Variants in VIRMA observed in about 807,000 individuals in gnomAD.
VIRMA encodes protein virilizer homolog.
VIRMA carries 65 observed loss-of-function variants against 182.4 expected under a neutral mutation model. The observed-to-expected ratio is 0.36, with a 90% CI of 0.29 to 0.44. VIRMA has a LOEUF of 0.44. Among genes scored for constraint, VIRMA ranks in the 20% least tolerant of loss-of-function variants. VIRMA has a pLI of 1.00. For missense variants in VIRMA, 1,752 were observed against 2,158.1 expected (o/e 0.81, Z 3.73); for synonymous variants, 709 against 743.1 (o/e 0.95, Z 0.75).
At position 94,515,874 on chromosome 8, in the gene VIRMA, G is replaced by A. The variant is rs1244357249; in HGVS notation, c.2669-923C>T. 4.6e-5 allele frequency among the ~76,000 whole-genome samples: 7 copies of A among 151,670 alleles called. No homozygotes were observed. In the East Asian group the frequency reaches 1.4e-3, roughly 30 times the overall value. On this transcript the variant is annotated intron_variant, in intron 10 of 23. Transcript: ENST00000297591. ...GCACTTTGGGAGGCTGAGGCGGGTG[G>A]ATCACGAGATCGACAGATGGAGACC...
At chr8:94,511,012 C>T in intron 13 of VIRMA, 173 bp downstream of exon 13, 1 of 1,404,556 alleles carries the variant, frequency 7.1e-7, no homozygotes, top group Non-Finnish European at 9.2e-7. Flanking sequence ...AATGTTACCC[C>T]CATATTTCCT....
rs147978905 is a variant in VIRMA at position 94,492,657 on chromosome 8, C to T, written c.4803G>A (p.Thr1601=). Residue 1601 remains threonine, a synonymous_variant, in exon 21 of 24, where the codon ACG becomes ACA. Transcript: ENST00000297591. The stretch of plus-strand genomic sequence containing the variant: ...TTCAGTGGAATAAATTTTACCTTGA[C>T]GTTATAAAGGTCTCATGCTTGTGCT... ...LGKHKHETFI[T]SSGKSEYIEP... The T allele has an allele frequency of 6.0e-5, 97 of 1,611,402 alleles. No individual in the cohort carries two copies. Among genetic ancestry groups the T allele is most frequent in the African/African-American group, 4.1e-4 (31 of 74,886 alleles).
In VIRMA at chr8:94,519,334, T is replaced by TA. The variant is rs1814676190; in HGVS notation, c.2163dup (p.Met722TyrfsTer5). ...AAATTTGTTGCTTCATATTCCGACATAAAAAAAAGAAGACCCTTCTGTGAC... is the reference window on the plus strand; with the variant it reads ...AAATTTGTTGCTTCATATTCCGACATAAAAAAAAAGAAGACCCTTCTGTGAC... On this transcript the variant is annotated frameshift_variant, in exon 9 of 24. Coordinates refer to ENST00000297591, the MANE Select transcript of VIRMA (RefSeq NM_015496.5). LOFTEE classifies it high-confidence loss of function. 5.6e-6 allele frequency: 9 copies of TA among 1,605,144 alleles called. No homozygotes were observed. The highest frequency in any genetic ancestry group is 3.5e-5 in the Admixed American group (2 of 57,208).
intron 22 of VIRMA, among the ~76,000 whole-genome samples, chr8:94,490,546 G>C (rs909309923): frequency 6.6e-6 from 1 of 152,104 alleles, no homozygotes; most frequent in African/African-American, 2.4e-5. Context: ...AGTATCCCTA[G>C]TTTCTAAAAT....
chr8:94,539,558 G>A (rs1342505818), intron 2 of VIRMA, among the ~76,000 whole-genome samples: 3 of 152,112 alleles, frequency 2.0e-5, no homozygotes, highest in Non-Finnish European at 4.4e-5. Context: ...AAATCCAAAT[G>A]TTAATAACTA....
At chr8:94,545,386 G>A (rs1231490135) in intron 1 of VIRMA, among the ~76,000 whole-genome samples, 2 of 152,054 alleles carry the variant, frequency 1.3e-5, no homozygotes, top group African/African-American at 4.8e-5. Flanking sequence ...ACTGAGTCTC[G>A]CTATAAAGAA....
Position 94,529,145 on chromosome 8 carries a change from G to A in VIRMA, c.805C>T (p.Arg269Ter), listed in dbSNP as rs749133183. Reference sequence around the variant, plus strand: ...TCCTCAGGAATACTGTCTACTGTTCGTCGATCATCCTCATCCTCATCCTCT... The same window carrying A: ...TCCTCAGGAATACTGTCTACTGTTCATCGATCATCCTCATCCTCATCCTCT... Reference protein sequence around the residue: ...EEEDEDEDDRRTVDSIPEEEE... With the variant: ...EEEDEDEDDR The change falls in exon 7 of 24, where the codon CGA (arginine) becomes TGA (stop). Residue 269 changes from arginine to a stop codon, truncating the protein, a stop_gained. Transcript: ENST00000297591. LOFTEE classifies it high-confidence loss of function. 1.5e-5 allele frequency: 21 copies of A among 1,431,750 alleles called. No individual in the cohort carries two copies. Among genetic ancestry groups the A allele is most frequent in the African/African-American group, 1.3e-4 (9 of 70,960 alleles). 88.7% of individuals were successfully genotyped at this position (1,431,750 alleles called of 1,614,324 possible).
intron 1 of VIRMA, among the ~76,000 whole-genome samples, chr8:94,545,703 TAGGCAAACAAGGGAGA>T (rs1815733350): frequency 1.3e-5 from 2 of 152,070 alleles, no homozygotes; most frequent in Non-Finnish European, 2.9e-5. Flanking sequence ...GCCCAGGTTG[TAGGCAAACAAGGGAGA>T]AGGCATGCAC....
Position 94,506,645 on chromosome 8 carries a change from G to A in VIRMA, c.3952C>T (p.Pro1318Ser). Residue 1318 changes from proline (P) to serine (S), a missense_variant, in exon 16 of 24, where the codon CCA becomes TCA. Pro to Ser is a moderately conservative substitution (Grantham distance 74). Around this residue, in one of 11 missense-constraint regions of VIRMA, gnomAD observed 777 missense variants for 920.6 expected, o/e 0.84. Transcript: ENST00000297591. ...SELEQLSNSL[P>S]NKELMTSICD... ...ATTGAGGTCATCAATTCTTTATTTG[G>A]TAGAGAATTGGAGAGCTGCTCCAGT... The A allele has an allele frequency of 6.2e-7, 1 of 1,613,474 alleles. No homozygotes were observed. Among genetic ancestry groups the A allele is most frequent in the Non-Finnish European group, 8.5e-7 (1 of 1,179,530 alleles).
rs1814360558 is a variant in VIRMA at position 94,511,190 on chromosome 8, T to C, written c.3385A>G (p.Thr1129Ala). The change falls in exon 13 of 24, where the codon ACT becomes GCT. Residue 1129 changes from threonine to alanine, a missense_variant. This residue lies in a region of VIRMA where 777 missense variants were observed against 920.6 expected (regional missense o/e 0.84). Coordinates refer to ENST00000297591, the MANE Select transcript of VIRMA (RefSeq NM_015496.5). Reference sequence around the variant, plus strand: ...ATGTTATATGGAAGTGATACCTGAGTTGTTTGCATGGGCAATGGAAGAGGC... The same window carrying C: ...ATGTTATATGGAAGTGATACCTGAGCTGTTTGCATGGGCAATGGAAGAGGC... Reference protein sequence around the residue: ...LLPLPLPMQTTQVIEPHDISV... With the variant: ...LLPLPLPMQTAQVIEPHDISV... 1.2e-6 allele frequency: 2 copies of C among 1,613,308 alleles called. No individual in the cohort carries two copies. Among genetic ancestry groups the C allele is most frequent in the East Asian group, 4.5e-5 (2 of 44,848 alleles).
At chr8:94,545,933 T>A (rs1019224456) in intron 1 of VIRMA, among the ~76,000 whole-genome samples, 1 of 151,982 alleles carries the variant, frequency 6.6e-6, no homozygotes, top group Non-Finnish European at 1.5e-5. Context: ...AGCACATGCC[T>A]GTAGTCCCAG....
rs1457615928 is a variant in VIRMA, at chr8:94,519,365, A to G, written c.2133T>C (p.Leu711=). ...LQATKDVLKF[L]AQSQKGLLFF... is the part of the protein sequence containing the mutation. The stretch of plus-strand genomic sequence containing the variant: ...AAAGAAGACCCTTCTGTGACTGTGC[A>G]AGAAACTTCAAAACATCTTTTGTGG... Residue 711 remains leucine (L), a synonymous_variant, in exon 9 of 24, where the codon CTT becomes CTC. Coordinates refer to ENST00000297591, the MANE Select transcript of VIRMA (RefSeq NM_015496.5). The G allele has an allele frequency of 6.3e-6, 10 of 1,583,286 alleles. No individual in the cohort carries two copies. The Admixed American group carries it at 1.9e-4, about 30-fold the overall frequency.
At chr8:94,497,360 C>A (rs1813814990) in intron 17 of VIRMA, 1 of 152,186 alleles carries the variant, frequency 6.6e-6, no homozygotes, top group Non-Finnish European at 1.5e-5. Flanking sequence ...ACCTCAACCT[C>A]CCAAAATGCT....
intron 16 of VIRMA, among the ~76,000 whole-genome samples, chr8:94,503,988 C>T (rs1399293151): frequency 6.6e-6 from 1 of 151,934 alleles, no homozygotes; most frequent in Non-Finnish European, 1.5e-5. Context: ...GCCTGGCCAA[C>T]ATGGTGAAAC....
rs76348121 is a variant in VIRMA, at chr8:94,536,360, A to G, written c.315+743T>C. 3.8e-3 allele frequency among the ~76,000 whole-genome samples: 578 copies of G among 152,352 alleles called. 2 individuals are homozygous for G. The highest frequency in any genetic ancestry group is 6.1e-3 in the Admixed American group (94 of 15,312). ...GCTGAGTAGTCCCATACCAGGTCAT[A>G]ATTATTTTTGCATTTCAAATCTGCC... is the stretch of plus-strand genomic sequence containing the variant. On this transcript the variant is annotated intron_variant, in intron 4 of 23. Transcript: ENST00000297591.
chr8:94,514,984 A>G (rs760866107), intron 10 of VIRMA, 33 bp from the exon 11 acceptor site: 35 of 1,064,186 alleles, frequency 3.3e-5, no homozygotes, highest in Middle Eastern at 3.0e-4. Flanking sequence ...AATATTTAAA[A>G]ATAGAAGGCT....
intron 6 of VIRMA, among the ~76,000 whole-genome samples, chr8:94,530,414 T>C (rs949355816): frequency 1.3e-5 from 2 of 151,402 alleles, no homozygotes; most frequent in Admixed American, 6.6e-5. Flanking sequence ...GGAGGATTTC[T>C]TGAACCCGGG....
chr8:94,529,135 T>G lies in VIRMA; in HGVS notation c.815A>C (p.Asp272Ala). Residue 272 changes from aspartate (D) to alanine (A), a missense_variant, in exon 7 of 24, where the codon GAC becomes GCC. By Grantham distance (126) the Asp-to-Ala change is moderately radical. This residue lies in a region of VIRMA where 114 missense variants were observed against 106.9 expected (regional missense o/e 1.07). Transcript: ENST00000297591. ...DEDEDDRRTV[D>A]SIPEEEEEDE... Reference sequence around the variant, plus strand: ...TTCCTCTTCCTCCTCAGGAATACTGTCTACTGTTCGTCGATCATCCTCATC... The same window carrying G: ...TTCCTCTTCCTCCTCAGGAATACTGGCTACTGTTCGTCGATCATCCTCATC... The G allele has an allele frequency of 6.8e-7, 1 of 1,473,166 alleles. No homozygotes were observed. The highest frequency in any genetic ancestry group is 9.5e-7 in the Non-Finnish European group (1 of 1,052,622). 91.3% of individuals were successfully genotyped at this position (1,473,166 alleles called of 1,614,324 possible). A position where few individuals can be genotyped will look rare whatever the true frequency, so the allele number is the denominator to read the frequency against.
chr8:94,535,937 T>C (rs1479560408), intron 4 of VIRMA, among the ~76,000 whole-genome samples: 3 of 152,208 alleles, frequency 2.0e-5, no homozygotes. Flanking sequence ...AGAGCTTATC[T>C]ACATTAATAG....
Sources: allele counts gnomAD v4.1 joint callset (sites outside exome capture counted in the v4.1 genomes callset), GRCh38; gene constraint gnomAD v4.1.1; regional missense constraint gnomAD v4.1.1; transcripts MANE v1.5; gene names NCBI Gene and HGNC (gene_info 2026-07-23, HGNC 2026-07-21).